AGAP1: variants seen among roughly 807,000 people sequenced by gnomAD.
The protein encoded by AGAP1 is ArfGAP with GTPase domain, ankyrin repeat and PH domain 1.
A neutral mutation model predicts 105.3 loss-of-function variants in AGAP1; 29 were observed. That is an observed-to-expected ratio of 0.28 (90% CI 0.21 to 0.38). The LOEUF is 0.38. Ranked by LOEUF, AGAP1 falls within the 10% of genes least tolerant of loss-of-function variation. The pLI is 1.00. For missense variants in AGAP1, 998 were observed against 1,165.1 expected (o/e 0.86, Z 2.09); for synonymous variants, 509 against 485.9 (o/e 1.05, Z -0.63).
rs937923393 is a variant in AGAP1, at chr2:236,053,607, G to A, written c.2114+4326G>A. Among the ~76,000 whole-genome samples the A allele has an allele frequency of 2.6e-5, 4 of 152,260 alleles. No individual in the cohort carries two copies. Among genetic ancestry groups the A allele is most frequent in the African/African-American group, 9.6e-5 (4 of 41,472 alleles). On this transcript the variant is annotated intron_variant, in intron 16 of 17. Coordinates refer to ENST00000304032, the MANE Select transcript of AGAP1 (RefSeq NM_001037131.3). This position sits in a 1 kb window ranked among gnomAD's most constrained non-coding sequence, Gnocchi z 4.6. ...CCACATTCCTCTTGGCAGAAGCCTC[G>A]CTCTGCGTGGCACTGCATCTCCCCA... is the stretch of plus-strand genomic sequence containing the variant.
At chr2:235,980,185 G>A (rs1386198895) in intron 13 of AGAP1, among the ~76,000 whole-genome samples, 1 of 152,210 alleles carries the variant, frequency 6.6e-6, no homozygotes, top group Non-Finnish European at 1.5e-5. Context: ...ATTGGGCACA[G>A]TTTTAGCCCA....
At chr2:235,811,430 C>T (rs1387995771) in intron 9 of AGAP1, among the ~76,000 whole-genome samples, 3 of 152,218 alleles carry the variant, frequency 2.0e-5, no homozygotes, top group Admixed American at 2.0e-4. Flanking sequence ...CACACAGAAC[C>T]TCCTCACTAC....
chr2:235,972,700 C>T (rs2125367124), intron 13 of AGAP1, among the ~76,000 whole-genome samples: 1 of 152,322 alleles, frequency 6.6e-6, no homozygotes, highest in South Asian at 2.1e-4. Context: ...GCCCACGATG[C>T]CAGTCACACA....
Position 236,073,894 on chromosome 2 carries a change from C to T in AGAP1, c.2114+24613C>T, listed in dbSNP as rs752374770. Among the ~76,000 whole-genome samples, 28 of 151,894 alleles carry T rather than the reference C, an allele frequency of 1.8e-4. No individual in the cohort carries two copies. The highest frequency in any genetic ancestry group is 1.5e-3 in the South Asian group (7 of 4,802). ...ATCACACTATGCTGGTTGGCCTGGG[C>T]ATGCCCCTCCCCCCAAGCATTTCCG... is the stretch of plus-strand genomic sequence containing the variant. On this transcript the variant is annotated intron_variant, in intron 16 of 17. Coordinates refer to ENST00000304032, the MANE Select transcript of AGAP1 (RefSeq NM_001037131.3). The surrounding 1 kb of genome is among the most constrained non-coding windows in gnomAD (Gnocchi z 5.4).
chr2:235,648,262 T>C (rs949549689), intron 1 of AGAP1, among the ~76,000 whole-genome samples: 1 of 152,124 alleles, frequency 6.6e-6, no homozygotes, highest in Non-Finnish European at 1.5e-5. Flanking sequence ...TGGGTTTCTT[T>C]CCTTTTTCTT....
chr2:235,891,454 G>A lies in AGAP1; in HGVS notation c.1155+8005G>A, dbSNP rs2050535613. Among the ~76,000 whole-genome samples the A allele has an allele frequency of 6.6e-6, 1 of 152,162 alleles. No individual in the cohort carries two copies. The highest frequency in any genetic ancestry group is 1.5e-5 in the Non-Finnish European group (1 of 68,030). ...AGTTCAGGTGGATCGAGGGCAGCCT[G>A]TTCTAAGACCCTGAGAGTCCCTTTC... On this transcript the variant is annotated intron_variant, in intron 10 of 17. Transcript: ENST00000304032. The surrounding 1 kb of genome is among the most constrained non-coding windows in gnomAD (Gnocchi z 4.2).
Position 235,882,474 on chromosome 2 carries a change from A to C in AGAP1, c.1051-871A>C, listed in dbSNP as rs2106624767. ...CCTATTGAAGCTGGCGATTCCCCCC[A>C]CGTCTGGTTTGTCTGCCATTTTCTT... is the stretch of plus-strand genomic sequence containing the variant. On this transcript the variant is annotated intron_variant, in intron 9 of 17. Coordinates refer to ENST00000304032, the MANE Select transcript of AGAP1 (RefSeq NM_001037131.3). The surrounding 1 kb of genome is among the most constrained non-coding windows in gnomAD (Gnocchi z 4.6). 1 of 1,565,414 alleles carries C rather than the reference A, an allele frequency of 6.4e-7. No individual in the cohort carries two copies. Among genetic ancestry groups the C allele is most frequent in the Non-Finnish European group, 8.8e-7 (1 of 1,141,316 alleles).
chr2:235,952,553 A>G (rs1461163543), intron 12 of AGAP1, among the ~76,000 whole-genome samples: 2 of 152,188 alleles, frequency 1.3e-5, no homozygotes, highest in Admixed American at 1.3e-4. Flanking sequence ...TCAGTATAGA[A>G]TTAGGATTGG....
chr2:235,918,077 G>T (rs1183815820), intron 11 of AGAP1, among the ~76,000 whole-genome samples: 1 of 152,206 alleles, frequency 6.6e-6, no homozygotes, highest in Non-Finnish European at 1.5e-5. Context: ...AGCAGTGTCA[G>T]TCCACACCTG....
chr2:235,543,047 A>G (rs899803239), intron 1 of AGAP1, among the ~76,000 whole-genome samples: 1 of 149,980 alleles, frequency 6.7e-6, no homozygotes, highest in African/African-American at 2.5e-5. Context: ...CGGGAGCCAC[A>G]GTCATTCCCT....
chr2:235,689,215 T>C lies in AGAP1; in HGVS notation c.164-19964T>C, dbSNP rs146856956. On this transcript the variant is annotated intron_variant, in intron 1 of 17. Transcript: ENST00000304032. This position sits in a 1 kb window ranked among gnomAD's most constrained non-coding sequence, Gnocchi z 4.2. ...AGATGGCCCCGGCCCTGCCTATGCCTTGGACACTCTTCATTCGCTAGCACC... is the reference window on the plus strand; with the variant it reads ...AGATGGCCCCGGCCCTGCCTATGCCCTGGACACTCTTCATTCGCTAGCACC... Among the ~76,000 whole-genome samples the C allele has an allele frequency of 2.2e-4, 33 of 152,304 alleles. No homozygotes were observed. The highest frequency in any genetic ancestry group is 6.7e-4 in the African/African-American group (28 of 41,570).
At chr2:235,952,799 T>A (rs956148386) in intron 12 of AGAP1, among the ~76,000 whole-genome samples, 1 of 152,184 alleles carries the variant, frequency 6.6e-6, no homozygotes, top group East Asian at 1.9e-4. Flanking sequence ...ATCCTGGTGG[T>A]CCTGAGCAGT....
At position 235,737,765 on chromosome 2, in the gene AGAP1, C is replaced by T. The variant is rs978544633; in HGVS notation, c.311-3198C>T. Among the ~76,000 whole-genome samples the T allele has an allele frequency of 4.6e-5, 7 of 152,060 alleles. No homozygotes were observed. The highest frequency in any genetic ancestry group is 4.8e-5 in the African/African-American group (2 of 41,384). ...TTCCCACTCCTGGAGAGGTAGGCAGCGAGGGACACTGGCGTTGCAGGGCCC... is the reference window on the plus strand; with the variant it reads ...TTCCCACTCCTGGAGAGGTAGGCAGTGAGGGACACTGGCGTTGCAGGGCCC... On this transcript the variant is annotated intron_variant, in intron 3 of 17. Transcript: ENST00000304032. The surrounding 1 kb of genome is among the most constrained non-coding windows in gnomAD (Gnocchi z 4.5).
rs928823611 is a variant in AGAP1 at position 235,549,794 on chromosome 2, G to A, written c.163+54945G>A. Reference sequence around the variant, plus strand: ...CTCAGGATTCTTACTCTAACAAACAGGTATAGACAACATCCTAGTTGCATC... The same window carrying A: ...CTCAGGATTCTTACTCTAACAAACAAGTATAGACAACATCCTAGTTGCATC... On this transcript the variant is annotated intron_variant, in intron 1 of 17. Transcript: ENST00000304032. The surrounding 1 kb of genome is among the most constrained non-coding windows in gnomAD (Gnocchi z 4.2). 1.3e-5 allele frequency among the ~76,000 whole-genome samples: 2 copies of A among 152,190 alleles called. No homozygotes were observed. The highest frequency in any genetic ancestry group is 1.3e-4 in the Admixed American group (2 of 15,286).
At chr2:235,498,040 C>CTTGT (rs1418619006) in intron 1 of AGAP1, among the ~76,000 whole-genome samples, 1 of 132,046 alleles carries the variant, frequency 7.6e-6, no homozygotes, top group Non-Finnish European at 1.5e-5. Context: ...GAGGTGCAGC[C>CTTGT]TTGTCCAGGG....
intron 1 of AGAP1, among the ~76,000 whole-genome samples, chr2:235,509,821 A>T (rs753743261): frequency 6.6e-6 from 1 of 152,092 alleles, no homozygotes; most frequent in Non-Finnish European, 1.5e-5. Context: ...CCTATTAGGA[A>T]CCAGGCCACA....
intron 1 of AGAP1, among the ~76,000 whole-genome samples, chr2:235,617,080 C>T (rs1574971801): frequency 1.3e-5 from 2 of 151,836 alleles, no homozygotes; most frequent in African/African-American, 4.8e-5. Context: ...TTTGCTTTCA[C>T]TTTTGGCATG....
chr2:235,541,847 T>C (rs943098079), intron 1 of AGAP1, among the ~76,000 whole-genome samples: 6 of 152,226 alleles, frequency 3.9e-5, no homozygotes, highest in African/African-American at 1.4e-4. Context: ...GTGACTTGCT[T>C]TGTTGGCTAA....
chr2:235,528,888 C>G (rs1022067179), intron 1 of AGAP1, among the ~76,000 whole-genome samples: 6 of 142,110 alleles, frequency 4.2e-5, no homozygotes, highest in African/African-American at 1.6e-4. Context: ...TGTTGGTCAG[C>G]TGGTCTCAAA....
Sources: gnomAD v4.1 joint callset for allele counts (sites outside exome capture counted in the v4.1 genomes callset) on GRCh38, gnomAD v4.1.1 for gene constraint, Gnocchi (gnomAD v3.1) non-coding constraint, MANE v1.5 for transcripts, NCBI Gene and HGNC (gene_info 2026-07-23, HGNC 2026-07-21) for gene names.